EFR3A: variants seen among roughly 807,000 people sequenced by gnomAD.
The protein encoded by EFR3A is EFR3 homolog A.
A neutral mutation model predicts 104.4 loss-of-function variants in EFR3A; 76 were observed. That is an observed-to-expected ratio of 0.73 (90% CI 0.60 to 0.88). The LOEUF is 0.88. Among genes scored for constraint, EFR3A ranks in the 40% least tolerant of loss-of-function variants. The pLI, the probability that EFR3A is intolerant of heterozygous loss-of-function variation, is 0.00. For missense variants in EFR3A, 985 were observed against 1,012.5 expected (o/e 0.97, Z 0.37); for synonymous variants, 330 against 330.0 (o/e 1.00, Z 0.00).
chr8:131,986,104 GT>G (rs200700059), intron 16 of EFR3A, 89 bp from the exon 17 acceptor site: 66 of 539,724 alleles, frequency 1.2e-4, no homozygotes, highest in Middle Eastern at 4.3e-4. Flanking sequence ...GTTTAAAGTT[GT>G]TTTTTTTTAA....
At chr8:131,920,318 A>C (rs776598308) in intron 1 of EFR3A, among the ~76,000 whole-genome samples, 15 of 152,178 alleles carry the variant, frequency 9.9e-5, no homozygotes, top group Non-Finnish European at 1.9e-4. Flanking sequence ...ATGTGCATGT[A>C]GCAAGGATGG....
At position 131,955,779 on chromosome 8, in the gene EFR3A, C is replaced by A; in HGVS notation, c.650C>A (p.Pro217His). Residue 217 changes from proline (P) to histidine (H), a missense_variant, in exon 7 of 23, where the codon CCT becomes CAT. By Grantham distance (77) the Pro-to-His change is moderately conservative. Transcript: ENST00000254624. Reference sequence around the variant, plus strand: ...TCGTTCCTTTTTAGTCGCATAGGCCCTCCTTCTTCTCCTTCTGCAACTGAC... The same window carrying A: ...TCGTTCCTTTTTAGTCGCATAGGCCATCCTTCTTCTCCTTCTGCAACTGAC... ...KIEEVDSRIG[P>H]PSSPSATDKE... 6.2e-7 allele frequency: 1 copy of A among 1,612,702 alleles called. No homozygotes were observed.
intron 22 of EFR3A, among the ~76,000 whole-genome samples, chr8:132,010,570 A>G (rs1270979091): frequency 6.6e-6 from 1 of 151,730 alleles, no homozygotes; most frequent in Non-Finnish European, 1.5e-5. Flanking sequence ...TTGTATATAC[A>G]TATTTTCCAA....
chr8:131,944,536 G>A (rs1818325331), intron 2 of EFR3A, among the ~76,000 whole-genome samples: 1 of 151,976 alleles, frequency 6.6e-6, no homozygotes, highest in African/African-American at 2.4e-5. Flanking sequence ...TTTGTGCTTT[G>A]CATAAATGGG....
chr8:131,992,321 A>G (rs935674658), intron 18 of EFR3A, among the ~76,000 whole-genome samples: 3 of 152,232 alleles, frequency 2.0e-5, no homozygotes, highest in African/African-American at 7.2e-5. Context: ...CAGTAGCCAC[A>G]TGCAGGATAT....
intron 1 of EFR3A, among the ~76,000 whole-genome samples, chr8:131,929,912 C>T (rs945536021): frequency 6.6e-6 from 1 of 152,042 alleles, no homozygotes; most frequent in African/African-American, 2.4e-5. Flanking sequence ...GATCTTTGTC[C>T]ATTATCAGTC....
At chr8:131,979,130 C>T (rs919060049) in intron 13 of EFR3A, 111 bp downstream of exon 13, 6 of 1,205,684 alleles carry the variant, frequency 5.0e-6, no homozygotes, top group Non-Finnish European at 6.9e-6. Context: ...TTTATTAATC[C>T]ATAATTTTAT....
chr8:131,988,157 T>C (rs907914228), intron 18 of EFR3A, among the ~76,000 whole-genome samples: 1 of 145,758 alleles, frequency 6.9e-6, no homozygotes, highest in African/African-American at 2.5e-5. Context: ...AATTTTTTTT[T>C]CTCTGTGAAC....
chr8:132,008,804 C>T (rs189001371), intron 22 of EFR3A, among the ~76,000 whole-genome samples: 3 of 114,518 alleles, frequency 2.6e-5, no homozygotes, highest in Admixed American at 1.3e-4. Flanking sequence ...CAAGATCACA[C>T]AATTGCACTC....
chr8:131,904,238 C>G lies in EFR3A; in HGVS notation c.-75C>G. On this transcript the variant is annotated 5_prime_UTR_variant, in exon 1 of 23. Transcript: ENST00000254624. Reference sequence around the variant, plus strand: ...CCGGCCTCCGCGGCCCAGCAACGGCCGTCATGGTGCCGTCGGCGCTCCCTG... The same window carrying G: ...CCGGCCTCCGCGGCCCAGCAACGGCGGTCATGGTGCCGTCGGCGCTCCCTG... 1 of 1,271,506 alleles carries G rather than the reference C, an allele frequency of 7.9e-7. No homozygotes were observed. The highest frequency in any genetic ancestry group is 9.9e-7 in the Non-Finnish European group (1 of 1,006,452). 78.8% of individuals were successfully genotyped at this position (1,271,506 alleles called of 1,614,324 possible). A position where few individuals can be genotyped will look rare whatever the true frequency, so the allele number is the denominator to read the frequency against.
intron 1 of EFR3A, among the ~76,000 whole-genome samples, chr8:131,916,674 ATTT>A (rs1385886187): frequency 6.6e-6 from 1 of 152,182 alleles, no homozygotes; most frequent in Non-Finnish European, 1.5e-5. Flanking sequence ...CAGGTGGGTC[ATTT>A]TTTAAACAAA....
chr8:131,925,938 G>C (rs917055100), intron 1 of EFR3A, among the ~76,000 whole-genome samples: 2 of 152,014 alleles, frequency 1.3e-5, no homozygotes, highest in African/African-American at 4.8e-5. Flanking sequence ...ATTGTGGCTA[G>C]ATTATTTTAT....
intron 19 of EFR3A, 51 bp downstream of exon 19, chr8:131,996,548 A>G (rs1279802888): frequency 4.7e-6 from 6 of 1,285,668 alleles, no homozygotes; most frequent in Non-Finnish European, 6.3e-6. Flanking sequence ...GACATCATTT[A>G]AAAGAATTTT....
chr8:131,962,243 C>T (rs1819395063), intron 8 of EFR3A, among the ~76,000 whole-genome samples: 1 of 152,158 alleles, frequency 6.6e-6, no homozygotes. Context: ...CTAAATGCTG[C>T]AATTAAAAGT....
intron 9 of EFR3A, among the ~76,000 whole-genome samples, chr8:131,969,553 T>C (rs1819935320): frequency 6.6e-6 from 1 of 151,744 alleles, no homozygotes; most frequent in Admixed American, 6.6e-5. Context: ...GGTTTTTTTT[T>C]TCCCCCGAAT....
At chr8:131,997,416 T>A (rs1030321178) in intron 19 of EFR3A, among the ~76,000 whole-genome samples, 4 of 152,094 alleles carry the variant, frequency 2.6e-5, no homozygotes, top group African/African-American at 9.7e-5. Flanking sequence ...TAAACCTATT[T>A]GGTGGCCAGA....
intron 2 of EFR3A, 176 bp downstream of exon 2, chr8:131,940,751 C>T (rs1017878315): frequency 1.8e-6 from 2 of 1,097,282 alleles, no homozygotes; most frequent in South Asian, 2.4e-5. Flanking sequence ...GCTTGCTTGT[C>T]TAGTTTTCAG....
chr8:131,908,042 A>T, intron 1 of EFR3A, among the ~76,000 whole-genome samples: 1 of 151,538 alleles, frequency 6.6e-6, no homozygotes, highest in Non-Finnish European at 1.5e-5. Flanking sequence ...GAGAAAGAGA[A>T]AGCCAGAATT....
In EFR3A at chr8:131,955,903, T is replaced by C. The variant is rs776968691; in HGVS notation, c.774T>C (p.Phe258=). 1.9e-6 allele frequency: 3 copies of C among 1,612,792 alleles called. No individual in the cohort carries two copies. The highest frequency in any genetic ancestry group is 2.5e-6 in the Non-Finnish European group (3 of 1,179,262). The change falls in exon 7 of 23, where the codon TTT becomes TTC. Residue 258 remains phenylalanine, a splice_region_variant and synonymous_variant. Coordinates refer to ENST00000254624, the MANE Select transcript of EFR3A (RefSeq NM_015137.6). ...TGAATAATGCTGTTAGACCAGTTTT[T>C]GCGTAAGTAGTTGGTGTTTTCCTGG... ...GNMNNAVRPV[F]AHLDHHKLWD...
Sources: allele counts gnomAD v4.1 joint callset (sites outside exome capture counted in the v4.1 genomes callset), GRCh38; gene constraint gnomAD v4.1.1; transcripts MANE v1.5; gene names NCBI Gene and HGNC (gene_info 2026-07-23, HGNC 2026-07-21).